The following KIAA1328 variants were observed in gnomAD, a reference collection of about 807,000 sequenced individuals.
KIAA1328 encodes KIAA1328, also known as protein hinderin.
In KIAA1328, 52 loss-of-function variants were observed where a neutral mutation model predicts 68.1. The ratio of observed to expected loss-of-function variants is 0.76; its 90% CI spans 0.61 to 0.96. The LOEUF (loss-of-function observed/expected upper bound fraction) is 0.96. Among genes scored for constraint, KIAA1328 ranks in the 40% least tolerant of loss-of-function variants. The pLI, the probability that KIAA1328 is intolerant of heterozygous loss-of-function variation, is 0.00. For synonymous variants in KIAA1328, 232 were observed against 239.4 expected, an observed-to-expected ratio of 0.97 and a Z score of 0.28; for missense variants, 641 against 677.6, an observed-to-expected ratio of 0.95 and a Z score of 0.60.
At chr18:37,172,398 G>T (rs370392669) in intron 8 of KIAA1328, among the ~76,000 whole-genome samples, 46 of 152,298 alleles carry the variant, frequency 3.0e-4, no homozygotes, top group African/African-American at 9.6e-4. Flanking sequence ...ATTGCTTGTT[G>T]GAAAGGAATT....
At chr18:37,105,501 GAAA>G (rs376818867) in intron 7 of KIAA1328, among the ~76,000 whole-genome samples, 4 of 100,330 alleles carry the variant, frequency 4.0e-5, no homozygotes, top group Non-Finnish European at 6.2e-5. Flanking sequence ...CTTTTTGAAG[GAAA>G]AAAAAAAAAA....
intron 9 of KIAA1328, among the ~76,000 whole-genome samples, chr18:37,193,024 G>A (rs1391312210): frequency 6.6e-6 from 1 of 152,042 alleles, no homozygotes; most frequent in African/African-American, 2.4e-5. Context: ...CAAAATCTCT[G>A]AGATCAAGTT....
chr18:36,867,125 G>T lies in KIAA1328; in HGVS notation c.333-18432G>T, dbSNP rs567472305. ...CCCAGCGTTGGAGGTGTGTCCTGGT[G>T]GGAGGTGATTGGATCATGGGGGTGG... On this transcript the variant is annotated intron_variant, in intron 4 of 9. Coordinates refer to ENST00000280020, the MANE Select transcript of KIAA1328 (RefSeq NM_020776.3). 5.9e-5 allele frequency among the ~76,000 whole-genome samples: 9 copies of T among 152,284 alleles called. No homozygotes were observed. The South Asian group carries it at 1.7e-3, about 28-fold the overall frequency.
chr18:37,098,035 T>A (rs1568400946), intron 7 of KIAA1328, among the ~76,000 whole-genome samples: 1 of 152,200 alleles, frequency 6.6e-6, no homozygotes, highest in Non-Finnish European at 1.5e-5. Context: ...ACAATTTGAC[T>A]TCCTCTTTTC....
chr18:36,837,784 C>G (rs571021694), intron 3 of KIAA1328, among the ~76,000 whole-genome samples: 5 of 152,092 alleles, frequency 3.3e-5, no homozygotes, highest in African/African-American at 1.2e-4. Flanking sequence ...GGTAGTTTAA[C>G]TTTATTCCTT....
At chr18:36,933,967 G>T (rs945326650) in intron 5 of KIAA1328, among the ~76,000 whole-genome samples, 1 of 152,192 alleles carries the variant, frequency 6.6e-6, no homozygotes. Flanking sequence ...CACTGCAGCT[G>T]CCCCGTGTGT....
chr18:37,100,022 T>G (rs1234536017), intron 7 of KIAA1328, among the ~76,000 whole-genome samples: 1 of 152,226 alleles, frequency 6.6e-6, no homozygotes, highest in Non-Finnish European at 1.5e-5. Flanking sequence ...GTCTTGACTC[T>G]TTATCCAATT....
chr18:37,063,379 C>G (rs1423349404), intron 6 of KIAA1328, among the ~76,000 whole-genome samples: 1 of 152,110 alleles, frequency 6.6e-6, no homozygotes, highest in African/African-American at 2.4e-5. Flanking sequence ...AAGGGCTTAC[C>G]TGATTAGATC....
At chr18:37,016,061 T>C (rs1249827516) in intron 6 of KIAA1328, among the ~76,000 whole-genome samples, 1 of 152,206 alleles carries the variant, frequency 6.6e-6, no homozygotes, top group Non-Finnish European at 1.5e-5. Flanking sequence ...AGAGTGAGTA[T>C]CCTTGTTTTG....
downstream of KIAA1328, chr18:37,230,385 TC>T (rs2060659301): frequency 6.6e-6 from 1 of 152,286 alleles, no homozygotes; most frequent in East Asian, 1.9e-4. Flanking sequence ...TCCAGTAGTT[TC>T]TAAAGGCACT....
intron 6 of KIAA1328, among the ~76,000 whole-genome samples, chr18:37,053,310 T>C (rs1599094809): frequency 6.6e-6 from 1 of 152,170 alleles, no homozygotes; most frequent in East Asian, 1.9e-4. Context: ...TGGACTCTTA[T>C]CTTTTACCAT....
At chr18:37,014,290 G>T (rs1474103820) in intron 6 of KIAA1328, among the ~76,000 whole-genome samples, 1 of 152,120 alleles carries the variant, frequency 6.6e-6, no homozygotes, top group African/African-American at 2.4e-5. Flanking sequence ...TCTGTAGATT[G>T]TCTGCTTTCT....
intron 6 of KIAA1328, among the ~76,000 whole-genome samples, chr18:37,029,350 G>C (rs1364214120): frequency 6.6e-6 from 1 of 151,960 alleles, no homozygotes; most frequent in Non-Finnish European, 1.5e-5. Flanking sequence ...GGGATTGGTG[G>C]CAATGTCTGC....
At chr18:36,841,897 AT>A (rs1435068325) in intron 3 of KIAA1328, among the ~76,000 whole-genome samples, 1 of 151,340 alleles carries the variant, frequency 6.6e-6, no homozygotes, top group Non-Finnish European at 1.5e-5. Context: ...TTTGCTTTTT[AT>A]TTCATATTAT....
intron 8 of KIAA1328, among the ~76,000 whole-genome samples, chr18:37,164,002 A>G (rs748422866): frequency 7.2e-5 from 11 of 152,196 alleles, no homozygotes; most frequent in Non-Finnish European, 1.3e-4. Flanking sequence ...AATATAACAG[A>G]CTAGTGTTAA....
At chr18:37,114,301 C>G (rs2058036811) in intron 7 of KIAA1328, among the ~76,000 whole-genome samples, 1 of 152,160 alleles carries the variant, frequency 6.6e-6, no homozygotes, top group Non-Finnish European at 1.5e-5. Context: ...GAAAGTATAA[C>G]AAACTGTCTC....
At chr18:37,107,623 T>C (rs542023077) in intron 7 of KIAA1328, among the ~76,000 whole-genome samples, 1 of 152,302 alleles carries the variant, frequency 6.6e-6, no homozygotes, top group South Asian at 2.1e-4. Context: ...ACTGTGGCTA[T>C]TGTAAGTGGG....
At position 37,120,934 on chromosome 18, in the gene KIAA1328, G is replaced by A. The variant is rs189463511; in HGVS notation, c.1233-39266G>A. 3.5e-4 allele frequency among the ~76,000 whole-genome samples: 53 copies of A among 152,224 alleles called. 1 individual carries two copies. The East Asian group carries it at 9.1e-3, about 26-fold the overall frequency. On this transcript the variant is annotated intron_variant, in intron 7 of 9. Transcript: ENST00000280020. ...AGCATCGAGATTTTAGAAATTTCTAGCTTTCTTAAGTGGGCAAAAGCACTG... is the reference window on the plus strand; with the variant it reads ...AGCATCGAGATTTTAGAAATTTCTAACTTTCTTAAGTGGGCAAAAGCACTG...
chr18:36,956,907 T>C (rs1018990123), intron 5 of KIAA1328, among the ~76,000 whole-genome samples: 21 of 152,274 alleles, frequency 1.4e-4, no homozygotes, highest in African/African-American at 4.8e-4. Context: ...ACCAGCCTAG[T>C]CCAATGTACC....
Sources: gnomAD v4.1 joint callset for allele counts (sites outside exome capture counted in the v4.1 genomes callset) on GRCh38, gnomAD v4.1.1 for gene constraint, MANE v1.5 for transcripts, NCBI Gene and HGNC (gene_info 2026-07-23, HGNC 2026-07-21) for gene names.